ZNF382: variants seen among roughly 807,000 people sequenced by gnomAD.
The protein encoded by ZNF382 is KRAB/zinc finger suppressor protein 1.
In ZNF382, 20 loss-of-function variants were observed where a neutral mutation model predicts 38.8. That is an observed-to-expected ratio of 0.51 (90% CI 0.36 to 0.75). ZNF382 has a LOEUF of 0.75. ZNF382 is among the 30% of genes least tolerant of loss of function. ZNF382 has a pLI of 0.00. For synonymous variants in ZNF382, 202 were observed against 223.1 expected (o/e 0.91, Z 0.84); for missense variants, 546 against 654.1 (o/e 0.83, Z 1.80).
rs1465908148 is a variant in ZNF382 at position 36,616,350 on chromosome 19, A to T, written c.232+5608A>T. Among the ~76,000 whole-genome samples the T allele has an allele frequency of 2.0e-5, 3 of 152,242 alleles. 1 individual carries two copies. The South Asian group carries it at 6.2e-4, about 32-fold the overall frequency. ...ACTACTGCACTCCAGCCTGGGCAAG[A>T]GTGAGACCTCGTCTCTAAATAACTA... On this transcript the variant is annotated intron_variant, in intron 4 of 4. Coordinates refer to ENST00000292928, the MANE Select transcript of ZNF382 (RefSeq NM_032825.5).
rs1385753467 is a variant in ZNF382, at chr19:36,607,605, C to A, written c.-31C>A. ...CAAAAGAGAAAGTTCATCTAGAAAT[C>A]TCAAAGCCATGTCTCAGGTGAGATG... is the stretch of plus-strand genomic sequence containing the variant. On this transcript the variant is annotated 5_prime_UTR_variant, in exon 2 of 5. Coordinates refer to ENST00000292928, the MANE Select transcript of ZNF382 (RefSeq NM_032825.5). 1.3e-6 allele frequency: 2 copies of A among 1,532,074 alleles called. No individual in the cohort carries two copies. The highest frequency in any genetic ancestry group is 8.7e-7 in the Non-Finnish European group (1 of 1,145,778). 94.9% of individuals were successfully genotyped at this position (1,532,074 alleles called of 1,614,324 possible).
Position 36,627,670 on chromosome 19 carries a change from C to A in ZNF382, c.*120C>A. 3 of 613,630 alleles carry A rather than the reference C, an allele frequency of 4.9e-6. No individual in the cohort carries two copies. The highest frequency in any genetic ancestry group is 8.4e-6 in the Non-Finnish European group (3 of 356,648). The allele number at this position is 613,630 out of a possible 1,614,324, so 38.0% of individuals were successfully genotyped here. A position where few individuals can be genotyped will look rare whatever the true frequency, so the allele number is the denominator to read the frequency against. ...ATACCACATGGTAACCTACTGTTTG[C>A]CAGCCTGTAAAACACACACACACAC... On this transcript the variant is annotated 3_prime_UTR_variant, in exon 5 of 5. Coordinates refer to ENST00000292928, the MANE Select transcript of ZNF382 (RefSeq NM_032825.5).
chr19:36,621,341 T>C (rs1030484593), intron 4 of ZNF382, among the ~76,000 whole-genome samples: 7 of 150,612 alleles, frequency 4.6e-5, no homozygotes, highest in Admixed American at 4.6e-4. Context: ...TTTTTTTTTT[T>C]TTTTTCCAGT....
intron 4 of ZNF382, among the ~76,000 whole-genome samples, chr19:36,622,683 G>A (rs1433270894): frequency 2.0e-5 from 3 of 152,056 alleles, no homozygotes; most frequent in Non-Finnish European, 2.9e-5. Context: ...ATGACTCAAA[G>A]CCCCTACCCT....
intron 2 of ZNF382, 52 bp downstream of exon 2, chr19:36,607,674 A>C: frequency 6.8e-7 from 1 of 1,472,930 alleles, no homozygotes. Flanking sequence ...ATGGTGTATG[A>C]ACATGAGCTT....
In ZNF382 at chr19:36,627,215, G is replaced by C. The variant is rs1191480662; in HGVS notation, c.1318G>C (p.Glu440Gln). ...HTGEKPYICN[E>Q]CGKSFCQKTT... ...AGGAGAGAAACCCTATATTTGCAAT[G>C]AATGTGGGAAGTCCTTCTGCCAAAA... Residue 440 changes from glutamate to glutamine, a missense_variant, in exon 5 of 5, where the codon GAA becomes CAA. Glu to Gln is a conservative substitution (Grantham distance 29). Transcript: ENST00000292928. 3 of 1,613,808 alleles carry C rather than the reference G, an allele frequency of 1.9e-6. 1 individual carries two copies. The South Asian group carries it at 3.3e-5, about 18-fold the overall frequency.
chr19:36,606,939 TG>T, intron 1 of ZNF382, among the ~76,000 whole-genome samples: 2 of 151,656 alleles, frequency 1.3e-5, no homozygotes, highest in Non-Finnish European at 2.9e-5. Flanking sequence ...TAGCCGGGCA[TG>T]GTGGTGCATG....
intron 4 of ZNF382, among the ~76,000 whole-genome samples, chr19:36,619,012 C>A (rs2037147903): frequency 6.6e-6 from 1 of 152,120 alleles, no homozygotes; most frequent in South Asian, 2.1e-4. Context: ...GGTAACAGAG[C>A]AAGATTCTGT....
intron 4 of ZNF382, among the ~76,000 whole-genome samples, chr19:36,612,674 A>G (rs997867327): frequency 1.3e-5 from 2 of 152,226 alleles, no homozygotes; most frequent in African/African-American, 2.4e-5. Context: ...TTCTGGTTGT[A>G]TAACTTCGCA....
chr19:36,610,081 G>C (rs377631456), intron 3 of ZNF382, 28 bp downstream of exon 3: 3 of 1,608,726 alleles, frequency 1.9e-6, no homozygotes, highest in African/African-American at 1.3e-5. Context: ...ATCTTTCACT[G>C]TCATGCATCT....
chr19:36,627,158 A>G lies in ZNF382; in HGVS notation c.1261A>G (p.Thr421Ala), dbSNP rs2037221410. The G allele has an allele frequency of 1.2e-6, 2 of 1,614,062 alleles. No homozygotes were observed. Among genetic ancestry groups the G allele is most frequent in the East Asian group, 4.5e-5 (2 of 44,878 alleles). The change falls in exon 5 of 5, where the codon ACA (threonine) becomes GCA (alanine). Residue 421 changes from threonine to alanine, a missense_variant. Physicochemically the swap from Thr to Ala is moderately conservative, Grantham distance 58 (BLOSUM62 0). Coordinates refer to ENST00000292928, the MANE Select transcript of ZNF382 (RefSeq NM_032825.5). ...NECGKAFIQK[T>A]TLTVHQRTHT... is the part of the protein sequence containing the mutation. ...GTGTGGGAAGGCATTTATCCAGAAG[A>G]CAACCCTCACTGTTCATCAGAGAAC...
At chr19:36,621,007 C>T (rs1185426940) in intron 4 of ZNF382, among the ~76,000 whole-genome samples, 1 of 152,128 alleles carries the variant, frequency 6.6e-6, no homozygotes, top group Non-Finnish European at 1.5e-5. Context: ...GATGTGCCCA[C>T]CTTCGCCTCC....
In ZNF382 at chr19:36,628,103, T is replaced by C. The variant is rs2037230028; in HGVS notation, c.*553T>C. 1 of 152,724 alleles carries C rather than the reference T, an allele frequency of 6.5e-6. No individual in the cohort carries two copies. The highest frequency in any genetic ancestry group is 2.4e-5 in the African/African-American group (1 of 41,460). 9.5% of individuals were successfully genotyped at this position (152,724 alleles called of 1,614,324 possible). A position where few individuals can be genotyped will look rare whatever the true frequency, so the allele number is the denominator to read the frequency against. On this transcript the variant is annotated 3_prime_UTR_variant, in exon 5 of 5. Transcript: ENST00000292928. ...ATTCTTTCATATACAGCTTATTACCTTCATCATGTCCGTGAGTCTAATCAT... is the reference window on the plus strand; with the variant it reads ...ATTCTTTCATATACAGCTTATTACCCTCATCATGTCCGTGAGTCTAATCAT...
At chr19:36,612,313 A>T (rs1161075403) in intron 4 of ZNF382, among the ~76,000 whole-genome samples, 4 of 152,254 alleles carry the variant, frequency 2.6e-5, no homozygotes, top group Non-Finnish European at 5.9e-5. Flanking sequence ...ACTGTGGAAC[A>T]GTTTTCCATT....
At chr19:36,609,714 T>C in intron 2 of ZNF382, 188 bp from the exon 3 acceptor site, 1 of 519,472 alleles carries the variant, frequency 1.9e-6, no homozygotes, top group Non-Finnish European at 3.1e-6. Flanking sequence ...AGGCAACCAG[T>C]CACATTCAGG....
At chr19:36,624,849 G>A (rs1256013523) in intron 4 of ZNF382, among the ~76,000 whole-genome samples, 1 of 151,266 alleles carries the variant, frequency 6.6e-6, no homozygotes, top group Non-Finnish European at 1.5e-5. Flanking sequence ...AAGATCATTT[G>A]AGGCCAGGAG....
At chr19:36,610,881 A>G in intron 4 of ZNF382, 139 bp downstream of exon 4, 1 of 581,292 alleles carries the variant, frequency 1.7e-6, no homozygotes, top group East Asian at 3.1e-5. Context: ...TTAAGCATAT[A>G]GTTCAGTAGC....
At chr19:36,610,149 A>AT (rs2037065751) in intron 3 of ZNF382, 96 bp downstream of exon 3, 4 of 1,485,064 alleles carry the variant, frequency 2.7e-6, no homozygotes, top group Non-Finnish European at 3.7e-6. Flanking sequence ...AGAGGTGATT[A>AT]TTTTTTTGGC....
At chr19:36,625,130 T>TATATA (rs1275688692) in intron 4 of ZNF382, among the ~76,000 whole-genome samples, 1 of 43,414 alleles carries the variant, frequency 2.3e-5, no homozygotes, top group Non-Finnish European at 5.5e-5. Context: ...ATATATATAA[T>TATATA]GTATACACAA....
Sources: gnomAD v4.1 joint callset for allele counts (sites outside exome capture counted in the v4.1 genomes callset) on GRCh38, gnomAD v4.1.1 for gene constraint, MANE v1.5 for transcripts, NCBI Gene and HGNC (gene_info 2026-07-23, HGNC 2026-07-21) for gene names.